The following LINGO2 variants were observed in gnomAD, a reference collection of about 807,000 sequenced individuals.
The protein encoded by LINGO2 is leucine rich repeat and Ig domain containing 2.
Under a neutral mutation model 30.6 loss-of-function variants are expected in LINGO2, and 14 were observed. The observed-to-expected ratio is 0.46, with a 90% confidence interval of 0.30 to 0.72. The LOEUF is 0.72. Ranked by LOEUF, LINGO2 falls within the 30% of genes least tolerant of loss-of-function variation. LINGO2 has a pLI of 0.07. For missense variants in LINGO2, 729 were observed against 751.7 expected (o/e 0.97, Z 0.35); for synonymous variants, 317 against 288.5 (o/e 1.10, Z -1.00).
chr9:28,418,677 C>A (rs138044761), intron 2 of LINGO2, among the ~76,000 whole-genome samples: 2 of 152,016 alleles, frequency 1.3e-5, no homozygotes, highest in Admixed American at 6.6e-5. Flanking sequence ...TAAAAGAGAC[C>A]ATTTAGATTG....
chr9:28,365,114 G>T (rs1820609112), intron 3 of LINGO2, among the ~76,000 whole-genome samples: 1 of 152,162 alleles, frequency 6.6e-6, no homozygotes, highest in African/African-American at 2.4e-5. Context: ...TTCAAATAAG[G>T]GAGTATAAGG....
intron 1 of LINGO2, among the ~76,000 whole-genome samples, chr9:28,616,078 AT>A: frequency 6.6e-6 from 1 of 152,248 alleles, no homozygotes; most frequent in Non-Finnish European, 1.5e-5. Context: ...GTGATTATTA[AT>A]ACATGGTATG....
the LINGO2 span, among the ~76,000 whole-genome samples, chr9:29,089,290 G>C: frequency 6.6e-6 from 1 of 151,576 alleles, no homozygotes; most frequent in Non-Finnish European, 1.5e-5. Flanking sequence ...TCTTAGGACA[G>C]AGCACAGTAG....
At chr9:28,039,405 C>T (rs1824096598) in intron 4 of LINGO2, among the ~76,000 whole-genome samples, 1 of 152,008 alleles carries the variant, frequency 6.6e-6, no homozygotes, top group Non-Finnish European at 1.5e-5. Flanking sequence ...ATTGCATATA[C>T]TTCTAAAAGA....
At chr9:29,096,865 G>A in the LINGO2 span, among the ~76,000 whole-genome samples, 3 of 138,828 alleles carry the variant, frequency 2.2e-5, 1 homozygote, top group African/African-American at 8.1e-5. Flanking sequence ...GAAATAATGA[G>A]ATTTTTTCAA....
At chr9:28,542,587 G>A (rs1821749496) in intron 1 of LINGO2, among the ~76,000 whole-genome samples, 1 of 151,938 alleles carries the variant, frequency 6.6e-6, no homozygotes, top group Non-Finnish European at 1.5e-5. Context: ...CCAGAATAAT[G>A]AGGCCTAAGA....
intron 2 of LINGO2, among the ~76,000 whole-genome samples, chr9:28,409,456 C>T (rs755768897): frequency 6.6e-6 from 1 of 151,992 alleles, no homozygotes. Flanking sequence ...ACATGAGTCA[C>T]TTTTGTTGAA....
At chr9:28,246,515 T>C (rs1822005678) in intron 4 of LINGO2, among the ~76,000 whole-genome samples, 3 of 152,144 alleles carry the variant, frequency 2.0e-5, no homozygotes, top group South Asian at 4.1e-4. Context: ...GTATTCCCTA[T>C]TTAATAATAG....
chr9:28,815,431 T>A, the LINGO2 span, among the ~76,000 whole-genome samples: 2 of 152,312 alleles, frequency 1.3e-5, no homozygotes, highest in Admixed American at 1.3e-4. Context: ...ATTGTGGGGT[T>A]GCCATTATTA....
At chr9:28,946,994 C>T in the LINGO2 span, among the ~76,000 whole-genome samples, 8 of 152,086 alleles carry the variant, frequency 5.3e-5, no homozygotes, top group Admixed American at 1.3e-4. Flanking sequence ...AACAAAAGAA[C>T]CTGTGTTCTG....
chr9:28,824,575 G>T, the LINGO2 span, among the ~76,000 whole-genome samples: 2 of 152,276 alleles, frequency 1.3e-5, no homozygotes, highest in Admixed American at 1.3e-4. Context: ...AGTAGTGGTT[G>T]CCTGGAGTAA....
chr9:28,006,460 T>A (rs1446010133), intron 5 of LINGO2, among the ~76,000 whole-genome samples: 3 of 151,978 alleles, frequency 2.0e-5, no homozygotes, highest in Non-Finnish European at 1.5e-5. Context: ...GAGAGCAAGA[T>A]GGAAAATTTA....
At chr9:28,752,244 T>C in the LINGO2 span, among the ~76,000 whole-genome samples, 2 of 151,870 alleles carry the variant, frequency 1.3e-5, no homozygotes, top group South Asian at 4.1e-4. Flanking sequence ...CAAATACAGG[T>C]AGAATTACCC....
At chr9:28,688,670 T>G in the LINGO2 span, among the ~76,000 whole-genome samples, 1 of 152,180 alleles carries the variant, frequency 6.6e-6, no homozygotes, top group East Asian at 1.9e-4. Flanking sequence ...ATTAATTTAT[T>G]GTCAACACAA....
At chr9:28,428,093 T>C (rs529751097) in intron 2 of LINGO2, among the ~76,000 whole-genome samples, 3 of 152,270 alleles carry the variant, frequency 2.0e-5, no homozygotes, top group East Asian at 1.9e-4. Flanking sequence ...TTTTTTAACA[T>C]TGCAAAATAT....
the LINGO2 span, among the ~76,000 whole-genome samples, chr9:28,900,264 C>A: frequency 6.6e-6 from 1 of 152,188 alleles, no homozygotes; most frequent in South Asian, 2.1e-4. Flanking sequence ...TCCATGCCCC[C>A]ACCAGTAAAT....
At chr9:28,632,750 ATC>A (rs1329195753) in intron 1 of LINGO2, among the ~76,000 whole-genome samples, 2 of 137,022 alleles carry the variant, frequency 1.5e-5, no homozygotes, top group Admixed American at 7.6e-5. Flanking sequence ...TTATATATAG[ATC>A]TATATATATA....
intron 3 of LINGO2, among the ~76,000 whole-genome samples, chr9:28,301,614 A>T (rs978619144): frequency 6.6e-6 from 1 of 151,564 alleles, no homozygotes; most frequent in East Asian, 1.9e-4. Context: ...CCATTTTTTA[A>T]TTTTTCCAGC....
At chr9:28,672,047 C>T (rs917542157), upstream of LINGO2, among the ~76,000 whole-genome samples, 7 of 152,054 alleles carry the variant, frequency 4.6e-5, no homozygotes, top group Admixed American at 3.3e-4. Flanking sequence ...GGAGAAGATG[C>T]TTTATAGCCA....
Sources: gnomAD v4.1 joint callset for allele counts (sites outside exome capture counted in the v4.1 genomes callset) on GRCh38, gnomAD v4.1.1 for gene constraint, MANE v1.5 for transcripts, NCBI Gene and HGNC (gene_info 2026-07-23, HGNC 2026-07-21) for gene names.